ADAMTSL1: variants seen among roughly 807,000 people sequenced by gnomAD.
ADAMTSL1 encodes ADAMTS like 1, also known as ADAMTS-like protein 1.
In ADAMTSL1, 126 loss-of-function variants were observed where a neutral mutation model predicts 201.8. The ratio of observed to expected loss-of-function variants is 0.62; its 90% confidence interval spans 0.54 to 0.72. The LOEUF is 0.72. ADAMTSL1 is among the 30% of genes least tolerant of loss of function. The pLI is 0.00. For synonymous variants in ADAMTSL1, 1,121 were observed against 903.4 expected, an observed-to-expected ratio of 1.24 and a Z score of -4.32; for missense variants, 2,679 against 2,277.8, an observed-to-expected ratio of 1.18 and a Z score of -3.59.
intron 1 of ADAMTSL1, among the ~76,000 whole-genome samples, chr9:18,013,471 G>A (rs1820136063): frequency 6.6e-6 from 1 of 151,996 alleles, no homozygotes; most frequent in African/African-American, 2.4e-5. Flanking sequence ...TAAAATTGCA[G>A]AGCAACAAAG....
chr9:17,907,450 G>A (rs1825760027), intron 1 of ADAMTSL1, among the ~76,000 whole-genome samples: 1 of 152,190 alleles, frequency 6.6e-6, no homozygotes, highest in African/African-American at 2.4e-5. Context: ...GTTGTAATGT[G>A]TGCGGACGCC....
At chr9:18,296,966 C>G (rs562946109) in intron 2 of ADAMTSL1, among the ~76,000 whole-genome samples, 1 of 152,132 alleles carries the variant, frequency 6.6e-6, no homozygotes, top group Admixed American at 6.5e-5. Context: ...AAGAAAACAT[C>G]CCAGAACTGC....
At chr9:18,589,556 T>C (rs1165841165) in intron 4 of ADAMTSL1, among the ~76,000 whole-genome samples, 2 of 152,224 alleles carry the variant, frequency 1.3e-5, no homozygotes, top group Admixed American at 6.5e-5. Flanking sequence ...ACAATTTAGA[T>C]GCCCTTAATT....
At chr9:18,317,411 C>CACACAG (rs1184734826) in intron 2 of ADAMTSL1, among the ~76,000 whole-genome samples, 1 of 151,912 alleles carries the variant, frequency 6.6e-6, no homozygotes, top group African/African-American at 2.4e-5. Context: ...CACACACACA[C>CACACAG]ACACACACAC....
intron 3 of ADAMTSL1, among the ~76,000 whole-genome samples, chr9:18,545,365 G>A (rs1820408983): frequency 1.3e-5 from 2 of 152,098 alleles, no homozygotes; most frequent in African/African-American, 4.8e-5. Context: ...CATAACACCA[G>A]GAGCTATATG....
intron 1 of ADAMTSL1, among the ~76,000 whole-genome samples, chr9:18,031,587 A>G (rs953661108): frequency 3.3e-5 from 5 of 152,276 alleles, no homozygotes; most frequent in East Asian, 1.9e-4. Context: ...ATCTTGATGC[A>G]TATGTAGCAG....
intron 15 of ADAMTSL1, among the ~76,000 whole-genome samples, chr9:18,728,461 GA>G (rs891503384): frequency 5.3e-5 from 8 of 150,734 alleles, no homozygotes; most frequent in African/African-American, 1.5e-4. Context: ...CCAATTCAGA[GA>G]AAAAAAAAAC....
intron 2 of ADAMTSL1, among the ~76,000 whole-genome samples, chr9:18,451,384 G>C (rs780697076): frequency 4.6e-5 from 7 of 152,064 alleles, no homozygotes; most frequent in African/African-American, 1.7e-4. Flanking sequence ...ATTTCCATAC[G>C]ATTTTATACC....
At chr9:18,307,290 A>C (rs982358337) in intron 2 of ADAMTSL1, among the ~76,000 whole-genome samples, 5 of 152,202 alleles carry the variant, frequency 3.3e-5, no homozygotes, top group Non-Finnish European at 7.3e-5. Flanking sequence ...GCATCAACTA[A>C]CAGGCAAAAT....
chr9:18,392,626 C>G (rs944776622), intron 2 of ADAMTSL1, among the ~76,000 whole-genome samples: 2 of 152,176 alleles, frequency 1.3e-5, no homozygotes, highest in Admixed American at 1.3e-4. Flanking sequence ...TGTACATGTT[C>G]AAACAAAGTA....
intron 21 of ADAMTSL1, 32 bp from the exon 22 acceptor site, chr9:18,826,252 T>C (rs1824548761): frequency 6.6e-7 from 1 of 1,518,944 alleles, no homozygotes; most frequent in African/African-American, 1.8e-5. Context: ...GACTGATGAG[T>C]GGGGTTTTTT....
At chr9:18,561,934 C>T (rs536920503) in intron 3 of ADAMTSL1, among the ~76,000 whole-genome samples, 1 of 152,196 alleles carries the variant, frequency 6.6e-6, no homozygotes, top group African/African-American at 2.4e-5. Flanking sequence ...TGAGATGGGT[C>T]TCCTGAATAC....
At chr9:18,106,571 C>G (rs552453344) in intron 1 of ADAMTSL1, among the ~76,000 whole-genome samples, 1 of 152,326 alleles carries the variant, frequency 6.6e-6, no homozygotes, top group East Asian at 1.9e-4. Flanking sequence ...AGATCTCTGT[C>G]TATCTGGCTT....
chr9:17,918,952 G>C (rs1458268149), intron 1 of ADAMTSL1, among the ~76,000 whole-genome samples: 1 of 151,680 alleles, frequency 6.6e-6, no homozygotes, highest in Non-Finnish European at 1.5e-5. Context: ...AATGGTCTGT[G>C]CTCTAAAATC....
chr9:18,075,048 C>G (rs796251555), intron 1 of ADAMTSL1, among the ~76,000 whole-genome samples: 2 of 152,158 alleles, frequency 1.3e-5, no homozygotes, highest in African/African-American at 4.8e-5. Context: ...CTTGCCCTCC[C>G]TCACTCTATC....
chr9:18,606,042 T>C (rs1824990493), intron 4 of ADAMTSL1, among the ~76,000 whole-genome samples: 1 of 152,122 alleles, frequency 6.6e-6, no homozygotes, highest in South Asian at 2.1e-4. Context: ...GATTGCTGGC[T>C]TTTGGCAGGG....
intron 14 of ADAMTSL1, among the ~76,000 whole-genome samples, chr9:18,712,474 C>A (rs374809713): frequency 1.3e-5 from 2 of 151,544 alleles, no homozygotes; most frequent in African/African-American, 2.4e-5. Flanking sequence ...GGAGCCGATG[C>A]GATCAACTGG....
At chr9:17,976,348 A>G (rs7852948) in intron 1 of ADAMTSL1, among the ~76,000 whole-genome samples, 1,717 of 152,090 alleles carry the variant, frequency 0.011, 24 homozygotes, top group African/African-American at 0.038. Flanking sequence ...AAGTCTTCCA[A>G]TTCGTGAACA....
intron 1 of ADAMTSL1, among the ~76,000 whole-genome samples, chr9:17,938,917 G>C (rs560108982): frequency 3.2e-4 from 49 of 152,078 alleles, no homozygotes; most frequent in African/African-American, 1.2e-3. Flanking sequence ...AAACCCTTTT[G>C]TCTTGTTTTG....
Sources: allele counts gnomAD v4.1 joint callset (sites outside exome capture counted in the v4.1 genomes callset), GRCh38; gene constraint gnomAD v4.1.1; transcripts MANE v1.5; gene names NCBI Gene and HGNC (gene_info 2026-07-23, HGNC 2026-07-21).